The following DDX20 variants were observed in gnomAD, a reference collection of about 807,000 sequenced individuals.
DDX20 encodes the protein probable ATP-dependent RNA helicase DDX20.
DDX20 carries 61 observed loss-of-function variants against 76.4 expected under a neutral mutation model. That is an observed-to-expected ratio of 0.80 (90% CI 0.65 to 0.99). The LOEUF (loss-of-function observed/expected upper bound fraction) is 0.99. DDX20 is among the 50% of genes least tolerant of loss of function. The pLI is 0.00. For missense variants in DDX20, 976 were observed against 996.8 expected (o/e 0.98, Z 0.28); for synonymous variants, 357 against 357.4 (o/e 1.00, Z 0.01).
chr1:111,762,238 T>C lies in DDX20; in HGVS notation c.1022-17T>C. ...GCTTAGTTGTTTTTATGTGACTTTC[T>C]TTTGGGGTCCTTTTAGGCAATATGA... is the stretch of plus-strand genomic sequence containing the variant. On this transcript the variant is annotated splice_polypyrimidine_tract_variant and intron_variant, in intron 7 of 10. Transcript: ENST00000369702. 6.2e-7 allele frequency: 1 copy of C among 1,603,216 alleles called. No individual in the cohort carries two copies.
chr1:111,759,599 G>A (rs369524616), intron 3 of DDX20, 31 bp downstream of exon 3: 158 of 1,579,168 alleles, frequency 1.0e-4, no homozygotes, highest in Non-Finnish European at 1.3e-4. Flanking sequence ...GGTAACCAGG[G>A]CTTTTAAGGA....
intron 10 of DDX20, among the ~76,000 whole-genome samples, 197 bp downstream of exon 10, chr1:111,763,204 T>G (rs1373983016): frequency 2.6e-5 from 4 of 152,050 alleles, no homozygotes; most frequent in Non-Finnish European, 1.5e-5. Context: ...TATTTAGACA[T>G]AGAGAGGGTA....
chr1:111,762,142 T>G, intron 7 of DDX20, 113 bp from the exon 8 acceptor site: 1 of 702,078 alleles, frequency 1.4e-6, no homozygotes, highest in Non-Finnish European at 2.4e-6. Context: ...TTAACTGTGG[T>G]TGGTGTATTA....
rs775053417 is a variant in DDX20 at position 111,755,992 on chromosome 1, T to C, written c.68T>C (p.Val23Ala). 6.2e-7 allele frequency: 1 copy of C among 1,605,788 alleles called. No homozygotes were observed. Among genetic ancestry groups the C allele is most frequent in the Non-Finnish European group, 8.5e-7 (1 of 1,174,832 alleles). Reference sequence around the variant, plus strand: ...GCGACTGCTATGCCGGCTGAGCATGTGGCCGTGCAGGTCCCGGCCCCAGAG... The same window carrying C: ...GCGACTGCTATGCCGGCTGAGCATGCGGCCGTGCAGGTCCCGGCCCCAGAG... ...AVATAMPAEH[V>A]AVQVPAPEPT... Residue 23 changes from valine (V) to alanine (A), a missense_variant, in exon 1 of 11, where the codon GTG (valine) becomes GCG (alanine). Val to Ala is a moderately conservative substitution (Grantham distance 64). This residue lies in a region of DDX20 where 343 missense variants were observed against 286.4 expected (regional missense o/e 1.20). Coordinates refer to ENST00000369702, the MANE Select transcript of DDX20 (RefSeq NM_007204.5).
In DDX20 at chr1:111,756,698, C is replaced by G. The variant is rs1197608016; in HGVS notation, c.354C>G (p.Thr118=). The G allele has an allele frequency of 1.9e-6, 3 of 1,614,144 alleles. No homozygotes were observed. Among genetic ancestry groups the G allele is most frequent in the Non-Finnish European group, 2.5e-6 (3 of 1,180,012 alleles). ...CCGGGAAAACCTGTGTGTTCTCCACCATAGCTTTGGACTCTCTTGTTCTTG... is the reference window on the plus strand; with the variant it reads ...CCGGGAAAACCTGTGTGTTCTCCACGATAGCTTTGGACTCTCTTGTTCTTG... ...SGTGKTCVFS[T]IALDSLVLEN... Residue 118 remains threonine, a synonymous_variant, in exon 2 of 11, where the codon ACC becomes ACG. Coordinates refer to ENST00000369702, the MANE Select transcript of DDX20 (RefSeq NM_007204.5).
In DDX20 at chr1:111,761,130, T is replaced by C. The variant is rs1450243501; in HGVS notation, c.962+5T>C. ...CTTTTCTAATTTGCACAGCAGGTAA[T>C]GTAACTTAAAAGGTCATCTGGGGAA... On this transcript the variant is annotated splice_donor_5th_base_variant and intron_variant, in intron 6 of 10. Coordinates refer to ENST00000369702, the MANE Select transcript of DDX20 (RefSeq NM_007204.5). 1 of 1,613,006 alleles carries C rather than the reference T, an allele frequency of 6.2e-7. No individual in the cohort carries two copies. The highest frequency in any genetic ancestry group is 1.1e-5 in the South Asian group (1 of 90,820).
intron 9 of DDX20, 27 bp downstream of exon 9, chr1:111,762,809 G>T (rs1663701886): frequency 1.3e-6 from 2 of 1,561,546 alleles, no homozygotes; most frequent in African/African-American, 2.7e-5. Context: ...AAGTTTGAGT[G>T]CTTTCTTTAA....
Position 111,762,307 on chromosome 1 carries a change from T to C in DDX20, c.1074T>C (p.Phe358=). ...RLDAMAKLKH[F]HCRVLISTDL... is the part of the protein sequence containing the mutation. The stretch of plus-strand genomic sequence containing the variant: ...ATGCTATGGCTAAACTGAAGCACTT[T>C]CATTGCAGAGTCCTCATTTCCACAG... Residue 358 remains phenylalanine, a synonymous_variant, in exon 8 of 11, where the codon TTT becomes TTC. Transcript: ENST00000369702. 1 of 1,613,514 alleles carries C rather than the reference T, an allele frequency of 6.2e-7. No homozygotes were observed. Among genetic ancestry groups the C allele is most frequent in the South Asian group, 1.1e-5 (1 of 90,980 alleles).
Position 111,766,392 on chromosome 1 carries a change from T to A in DDX20, c.1968T>A (p.Ser656Arg), listed in dbSNP as rs140833567. The A allele has an allele frequency of 5.0e-6, 8 of 1,614,180 alleles. No individual in the cohort carries two copies. Among genetic ancestry groups the A allele is most frequent in the Middle Eastern group, 1.6e-4 (1 of 6,062 alleles). The change falls in exon 11 of 11, where the codon AGT becomes AGA. Residue 656 changes from serine (S) to arginine (R), a missense_variant. This residue lies in a region of DDX20 where 630 missense variants were observed against 693.7 expected (regional missense o/e 0.91). Transcript: ENST00000369702. Reference protein sequence around the residue: ...SSQSGDSESDSDSYSSRTSSQ... With the variant: ...SSQSGDSESDRDSYSSRTSSQ... ...AATCTGGAGACTCTGAGAGTGACAG[T>A]GATTCTTACAGCTCAAGAACCTCTT...
Position 111,756,665 on chromosome 1 carries a change from A to G in DDX20, c.321A>G (p.Lys107=). The stretch of plus-strand genomic sequence containing the variant: ...TCGCAGATTTAATTGTTCAAGCTAA[A>G]TCTGGCACCGGGAAAACCTGTGTGT... ...RCGLDLIVQA[K]SGTGKTCVFS... The change falls in exon 2 of 11, where the codon AAA becomes AAG. Residue 107 remains lysine, a synonymous_variant. Transcript: ENST00000369702. 3 of 1,614,130 alleles carry G rather than the reference A, an allele frequency of 1.9e-6. No homozygotes were observed. The highest frequency in any genetic ancestry group is 2.5e-6 in the Non-Finnish European group (3 of 1,179,990).
intron 10 of DDX20, among the ~76,000 whole-genome samples, chr1:111,763,933 A>T (rs150614103): frequency 2.6e-5 from 4 of 152,198 alleles, no homozygotes; most frequent in Admixed American, 6.5e-5. Context: ...TTTGACGTGC[A>T]TGTTATACAG....
chr1:111,766,315 G>T lies in DDX20; in HGVS notation c.1891G>T (p.Val631Leu). Residue 631 changes from valine (V) to leucine (L), a missense_variant, in exon 11 of 11, where the codon GTG becomes TTG. By Grantham distance (32) the Val-to-Leu change is conservative. Transcript: ENST00000369702. Reference sequence around the variant, plus strand: ...GACTGTGAATCCTCAAAATGGTTTTGTGAGAAATAAAGTTATTGAACAGAG... The same window carrying T: ...GACTGTGAATCCTCAAAATGGTTTTTTGAGAAATAAAGTTATTGAACAGAG... ...DQTVNPQNGF[V>L]RNKVIEQRVP... 1.2e-6 allele frequency: 2 copies of T among 1,614,146 alleles called. 1 individual carries two copies. The highest frequency in any genetic ancestry group is 2.2e-5 in the South Asian group (2 of 91,086).
At position 111,765,925 on chromosome 1, in the gene DDX20, G is replaced by T. The variant is rs1337461020; in HGVS notation, c.1501G>T (p.Val501Leu). The change falls in exon 11 of 11, where the codon GTA (valine) becomes TTA (leucine). Residue 501 changes from valine to leucine, a missense_variant. Val to Leu is a conservative substitution (Grantham distance 32). This residue lies in a region of DDX20 where 630 missense variants were observed against 693.7 expected (regional missense o/e 0.91). Coordinates refer to ENST00000369702, the MANE Select transcript of DDX20 (RefSeq NM_007204.5). ...CATGGCTTCCTCTAGAAATAATTCT[G>T]TATCTGGACTATCAGTCAAATCAAA... ...DHMASSRNNS[V>L]SGLSVKSKNN... The T allele has an allele frequency of 6.2e-7, 1 of 1,613,766 alleles. No individual in the cohort carries two copies.
chr1:111,761,221 C>G lies in DDX20; in HGVS notation c.963-5C>G. ...ATTTGTAACCATTTATGTTATATTT[C>G]ATAGAGCACAACATTTGGCTGATAT... On this transcript the variant is annotated splice_polypyrimidine_tract_variant and splice_region_variant and intron_variant, in intron 6 of 10. Transcript: ENST00000369702. 3.7e-6 allele frequency: 6 copies of G among 1,612,980 alleles called. No individual in the cohort carries two copies. The highest frequency in any genetic ancestry group is 5.1e-6 in the Non-Finnish European group (6 of 1,179,484).
chr1:111,767,455 TTTG>T lies in DDX20; in HGVS notation c.*559_*561del, dbSNP rs1663805976. 1 of 147,920 alleles carries T rather than the reference TTTG, an allele frequency of 6.8e-6. No homozygotes were observed. Among genetic ancestry groups the T allele is most frequent in the South Asian group, 2.1e-4 (1 of 4,800 alleles). The allele number at this position is 147,920 out of a possible 1,614,324, so 9.2% of individuals were successfully genotyped here. On this transcript the variant is annotated 3_prime_UTR_variant, in exon 11 of 11. Transcript: ENST00000369702. ...GATCTGTTAGCTTCCAGTAAAAATATTTGTTTTTAGTAAAAACAAATTTAAATA... is the reference window on the plus strand; with the variant it reads ...GATCTGTTAGCTTCCAGTAAAAATATTTTTTAGTAAAAACAAATTTAAATA...
In DDX20 at chr1:111,766,945, C is replaced by A. The variant is rs749030927; in HGVS notation, c.*46C>A. The A allele has an allele frequency of 2.1e-6, 3 of 1,446,400 alleles. No individual in the cohort carries two copies. The highest frequency in any genetic ancestry group is 3.5e-5 in the Admixed American group (2 of 56,856). 89.6% of individuals were successfully genotyped at this position (1,446,400 alleles called of 1,614,324 possible). A position where few individuals can be genotyped will look rare whatever the true frequency, so the allele number is the denominator to read the frequency against. ...CATCAGGAACTGTCAACAAATGATA[C>A]CTTTGGATATCCATCCTCCTCGACT... On this transcript the variant is annotated 3_prime_UTR_variant, in exon 11 of 11. Transcript: ENST00000369702.
chr1:111,761,082 A>T lies in DDX20; in HGVS notation c.919A>T (p.Ile307Phe). 6.2e-7 allele frequency: 1 copy of T among 1,613,946 alleles called. No individual in the cohort carries two copies. Among genetic ancestry groups the T allele is most frequent in the Non-Finnish European group, 8.5e-7 (1 of 1,179,898 alleles). Reference protein sequence around the residue: ...TQHLQELFSRIPFNQALVFSN... With the variant: ...TQHLQELFSRFPFNQALVFSN... ...GCATTTACAGGAACTGTTCAGCAGA[A>T]TTCCATTTAATCAAGCTTTAGTCTT... Residue 307 changes from isoleucine (I) to phenylalanine (F), a missense_variant, in exon 6 of 11, where the codon ATT (isoleucine) becomes TTT (phenylalanine). This residue lies in a region of DDX20 where 630 missense variants were observed against 693.7 expected (regional missense o/e 0.91). Coordinates refer to ENST00000369702, the MANE Select transcript of DDX20 (RefSeq NM_007204.5).
chr1:111,756,275 G>GTTTTGGGGGC, intron 1 of DDX20, 50 bp downstream of exon 1: 1 of 903,464 alleles, frequency 1.1e-6, no homozygotes, highest in East Asian at 3.6e-5. Context: ...GGAGAAGGGG[G>GTTTTGGGGGC]ACCGACGGGC....
Position 111,766,239 on chromosome 1 carries a change from G to GT in DDX20, c.1817dup (p.Leu606PhefsTer29). The GT allele has an allele frequency of 6.2e-7, 1 of 1,614,150 alleles. No individual in the cohort carries two copies. Among genetic ancestry groups the GT allele is most frequent in the East Asian group, 2.2e-5 (1 of 44,888 alleles). On this transcript the variant is annotated frameshift_variant, in exon 11 of 11. Transcript: ENST00000369702. LOFTEE classifies it high-confidence loss of function. Reference sequence around the variant, plus strand: ...ATTATGAACATTATATTAAAGAGGGGTTAGAGAAACCTGTGGAAATCATCA... The same window carrying GT: ...ATTATGAACATTATATTAAAGAGGGGTTTAGAGAAACCTGTGGAAATCATCA...
Sources: gnomAD v4.1 joint callset for allele counts (sites outside exome capture counted in the v4.1 genomes callset) on GRCh38, gnomAD v4.1.1 for gene constraint, gnomAD v4.1.1 regional missense constraint, MANE v1.5 for transcripts, NCBI Gene and HGNC (gene_info 2026-07-23, HGNC 2026-07-21) for gene names.